KIAA1671: variants seen among roughly 807,000 people sequenced by gnomAD.
KIAA1671 encodes uncharacterized protein KIAA1671.
A neutral mutation model predicts 131.2 loss-of-function variants in KIAA1671; 52 were observed. That is an observed-to-expected ratio of 0.40 (90% CI 0.32 to 0.50). The LOEUF (loss-of-function observed/expected upper bound fraction) is 0.50, where lower values mean the gene tolerates loss of function less well. Among genes scored for constraint, KIAA1671 ranks in the 20% least tolerant of loss-of-function variants. KIAA1671 has a pLI of 0.73. For missense variants in KIAA1671, 2,360 were observed against 2,364.2 expected (o/e 1.00, Z 0.04); for synonymous variants, 1,003 against 961.6 (o/e 1.04, Z -0.80).
chr22:25,070,491 T>G, intron 6 of KIAA1671: 1 of 417,680 alleles, frequency 2.4e-6, no homozygotes, highest in Middle Eastern at 3.1e-4. Context: ...CCTGTCAACT[T>G]TGCTTTTTGG....
At chr22:25,086,957 G>A (rs2145872565) in intron 6 of KIAA1671, among the ~76,000 whole-genome samples, 1 of 152,276 alleles carries the variant, frequency 6.6e-6, no homozygotes, top group African/African-American at 2.4e-5. Context: ...GCACTGGCCA[G>A]GCCTGTTAAC....
intron 6 of KIAA1671, among the ~76,000 whole-genome samples, chr22:25,080,634 G>A (rs910436906): frequency 2.0e-5 from 3 of 151,992 alleles, no homozygotes; most frequent in South Asian, 2.1e-4. Context: ...CTAAAGCCTC[G>A]AACATCTGGG....
At chr22:25,095,909 AGGTGCAGCACCCAAT>A (rs927367592) in intron 6 of KIAA1671, among the ~76,000 whole-genome samples, 2 of 152,194 alleles carry the variant, frequency 1.3e-5, no homozygotes, top group Non-Finnish European at 2.9e-5. Flanking sequence ...ATTTCTTTGA[AGGTGCAGCACCCAAT>A]GGAGGAAGCC....
At chr22:25,036,677 G>A (rs1433671490) in intron 4 of KIAA1671, among the ~76,000 whole-genome samples, 5 of 152,040 alleles carry the variant, frequency 3.3e-5, no homozygotes, top group African/African-American at 7.2e-5. Flanking sequence ...CCAGCACTTC[G>A]GGAAGCCAAG....
At chr22:25,014,507 C>T (rs1925202149) in intron 1 of KIAA1671, 1 of 151,986 alleles carries the variant, frequency 6.6e-6, no homozygotes, top group East Asian at 1.9e-4. Context: ...TTCATGGGCT[C>T]AAGCAATTCA....
chr22:25,140,719 G>A (rs902895659), intron 6 of KIAA1671, among the ~76,000 whole-genome samples: 1 of 152,230 alleles, frequency 6.6e-6, no homozygotes, highest in African/African-American at 2.4e-5. Context: ...GGGAGCAGTG[G>A]GCAAGGGCCC....
intron 6 of KIAA1671, among the ~76,000 whole-genome samples, chr22:25,078,462 G>A (rs1490956714): frequency 6.6e-6 from 1 of 152,186 alleles, no homozygotes; most frequent in East Asian, 1.9e-4. Flanking sequence ...CCAAGAGTTC[G>A]AGGCTGCAGT....
chr22:25,087,235 C>G (rs111282333), intron 6 of KIAA1671, among the ~76,000 whole-genome samples: 37 of 149,324 alleles, frequency 2.5e-4, no homozygotes, highest in Non-Finnish European at 5.2e-4. Context: ...CATGCTGAAT[C>G]TGCCCACTCT....
intron 6 of KIAA1671, among the ~76,000 whole-genome samples, chr22:25,082,187 T>A (rs571142517): frequency 6.6e-6 from 1 of 152,332 alleles, no homozygotes; most frequent in African/African-American, 2.4e-5. Context: ...GCCAGGATAC[T>A]GTGACCTTGT....
Position 25,040,762 on chromosome 22 carries a change from T to C in KIAA1671, c.3632T>C (p.Leu1211Pro), listed in dbSNP as rs1236512295. The change falls in exon 5 of 13, where the codon CTG (leucine) becomes CCG (proline). Residue 1211 changes from leucine to proline, a missense_variant. Physicochemically the swap from Leu to Pro is moderately conservative, Grantham distance 98. Coordinates refer to ENST00000358431, the MANE Select transcript of KIAA1671 (RefSeq NM_001145206.2). The part of the protein sequence containing the change: ...IDALMAEYQE[L>P]SLKVPGEAQE... Reference sequence around the variant, plus strand: ...GCCCTGATGGCAGAGTACCAGGAGCTGTCGCTGAAAGTCCCTGGGGAGGCT... The same window carrying C: ...GCCCTGATGGCAGAGTACCAGGAGCCGTCGCTGAAAGTCCCTGGGGAGGCT... The C allele has an allele frequency of 1.3e-5, 20 of 1,551,714 alleles. No homozygotes were observed. The African/African-American group carries it at 2.1e-4, about 16-fold the overall frequency.
At chr22:25,049,118 T>A (rs1935282639) in intron 5 of KIAA1671, 112 bp from the exon 6 acceptor site, 2 of 1,310,376 alleles carry the variant, frequency 1.5e-6, no homozygotes, top group Non-Finnish European at 2.1e-6. Flanking sequence ...TCTGGGGGTT[T>A]AATTTTCTTC....
intron 6 of KIAA1671, among the ~76,000 whole-genome samples, chr22:25,141,322 T>C (rs1438382688): frequency 6.6e-6 from 1 of 152,122 alleles, no homozygotes; most frequent in Non-Finnish European, 1.5e-5. Context: ...AAGCTCTGCC[T>C]CCTGGGTTCA....
intron 6 of KIAA1671, among the ~76,000 whole-genome samples, chr22:25,143,662 CT>C (rs1932836600): frequency 6.6e-6 from 1 of 152,186 alleles, no homozygotes. Context: ...TCACATGCCC[CT>C]AACTGTCCTC....
chr22:24,961,366 C>T (rs1005352290), intron 1 of KIAA1671, among the ~76,000 whole-genome samples: 12 of 152,224 alleles, frequency 7.9e-5, no homozygotes, highest in African/African-American at 2.9e-4. Flanking sequence ...ACACACGAGT[C>T]TTTCTGGACA....
intron 1 of KIAA1671, among the ~76,000 whole-genome samples, chr22:24,954,689 C>T (rs1183693787): frequency 1.3e-5 from 2 of 152,182 alleles, no homozygotes; most frequent in African/African-American, 4.8e-5. Flanking sequence ...GTTGGGGATA[C>T]AGTTCTCACC....
chr22:25,191,890 A>G (rs1255040789), intron 12 of KIAA1671, among the ~76,000 whole-genome samples: 1 of 151,986 alleles, frequency 6.6e-6, no homozygotes, highest in African/African-American at 2.4e-5. Flanking sequence ...TATTTTCCCC[A>G]CTTTATATGA....
chr22:25,003,400 A>ATTTTTTTTTTT lies in KIAA1671; in HGVS notation c.-207-22214_-207-22204dup, dbSNP rs71191013. On this transcript the variant is annotated intron_variant, in intron 1 of 12. Transcript: ENST00000358431. ...GCCTTATCTCCTTTCACTTGGAGAG[A>ATTTTTTTTTTT]TTTTTTTTTTTTTTTTTTTTTTTTT... 2.9e-4 allele frequency among the ~76,000 whole-genome samples: 33 copies of ATTTTTTTTTTT among 113,842 alleles called. 1 individual carries two copies. The highest frequency in any genetic ancestry group is 1.3e-3 in the African/African-American group (32 of 23,768). The allele number at this position is 113,842 out of a possible 152,430, so 74.7% of individuals were successfully genotyped here. A position where few individuals can be genotyped will look rare whatever the true frequency, so the allele number is the denominator to read the frequency against.
intron 6 of KIAA1671, chr22:25,058,826 G>C (rs1012338303): frequency 6.6e-6 from 1 of 152,264 alleles, no homozygotes; most frequent in Non-Finnish European, 1.5e-5. Context: ...CATCACTTAC[G>C]TCTGGTGCCC....
At chr22:25,098,334 A>G (rs555959794) in intron 6 of KIAA1671, among the ~76,000 whole-genome samples, 1 of 151,304 alleles carries the variant, frequency 6.6e-6, no homozygotes, top group Non-Finnish European at 1.5e-5. Flanking sequence ...TCTTTACTTC[A>G]TTCATTTATC....
Sources: allele counts gnomAD v4.1 joint callset (sites outside exome capture counted in the v4.1 genomes callset), GRCh38; gene constraint gnomAD v4.1.1; transcripts MANE v1.5; gene names NCBI Gene and HGNC (gene_info 2026-07-23, HGNC 2026-07-21).